Variants in CCDC125 observed in about 807,000 individuals in gnomAD.
CCDC125 encodes the protein coiled-coil domain containing 125, also known as coiled-coil domain-containing protein 125.
CCDC125 carries 43 observed loss-of-function variants against 57.4 expected under a neutral mutation model. That is an observed-to-expected ratio of 0.75 (90% CI 0.59 to 0.97). The LOEUF is 0.97. Among genes scored for constraint, CCDC125 ranks in the 50% least tolerant of loss-of-function variants. The pLI, the probability that CCDC125 is intolerant of heterozygous loss-of-function variation, is 0.00. For missense variants in CCDC125, 563 were observed against 595.7 expected (o/e 0.95, Z 0.57); for synonymous variants, 187 against 195.2 (o/e 0.96, Z 0.35).
chr5:69,285,378 G>A lies in CCDC125; in HGVS notation c.1189C>T (p.Gln397Ter), dbSNP rs1753169094. 6.2e-7 allele frequency: 1 copy of A among 1,612,410 alleles called. No individual in the cohort carries two copies. The highest frequency in any genetic ancestry group is 1.3e-5 in the African/African-American group (1 of 74,784). Reference sequence around the variant, plus strand: ...TTAAGGACCTCTTGAGGACTGTCCTGGTCTTCCATCCTCTTAGAACTGTTT... The same window carrying A: ...TTAAGGACCTCTTGAGGACTGTCCTAGTCTTCCATCCTCTTAGAACTGTTT... Reference protein sequence around the residue: ...SENSSKRMEDQDSPQEVLKML... With the variant: ...SENSSKRMED The change falls in exon 11 of 12, where the codon CAG becomes TAG. Residue 397 changes from glutamine (Q) to a stop codon, truncating the protein, a stop_gained. Transcript: ENST00000396496. LOFTEE classifies it low-confidence loss of function (END_TRUNC).
At chr5:69,286,361 A>G (rs1275967407) in intron 10 of CCDC125, among the ~76,000 whole-genome samples, 3 of 150,258 alleles carry the variant, frequency 2.0e-5, no homozygotes, top group African/African-American at 7.3e-5. Context: ...CCTCCCGAGT[A>G]GCTGGGACTA....
chr5:69,290,029 G>A (rs973414030), intron 10 of CCDC125, among the ~76,000 whole-genome samples: 4 of 151,770 alleles, frequency 2.6e-5, no homozygotes, highest in African/African-American at 9.7e-5. Context: ...TTTTGTCCTG[G>A]CTTCCATCTA....
chr5:69,306,095 T>TA (rs1757289220), intron 6 of CCDC125, among the ~76,000 whole-genome samples: 2 of 142,762 alleles, frequency 1.4e-5, no homozygotes, highest in South Asian at 4.3e-4. Flanking sequence ...ATTTTTCATC[T>TA]TTTTTTTTTT....
chr5:69,274,722 T>C, the CCDC125 span, among the ~76,000 whole-genome samples: 1 of 151,924 alleles, frequency 6.6e-6, no homozygotes, highest in Non-Finnish European at 1.5e-5. Flanking sequence ...TACAAGCGAT[T>C]CTCCTGTCTC....
At position 69,293,520 on chromosome 5, in the gene CCDC125, G is replaced by C. The variant is rs185585201; in HGVS notation, c.925-1158C>G. ...CAAAAATTAACTGGGAGTGGTGGCA[G>C]GCGCCTGTAATCCCAGCTACTCAGG... is the stretch of plus-strand genomic sequence containing the variant. On this transcript the variant is annotated intron_variant, in intron 9 of 11. Transcript: ENST00000396496. Among the ~76,000 whole-genome samples, 18 of 151,892 alleles carry C rather than the reference G, an allele frequency of 1.2e-4. No homozygotes were observed. In the East Asian group the frequency reaches 3.5e-3, roughly 29 times the overall value.
At chr5:69,315,551 G>A (rs1758926255) in intron 2 of CCDC125, among the ~76,000 whole-genome samples, 1 of 149,576 alleles carries the variant, frequency 6.7e-6, no homozygotes, top group Non-Finnish European at 1.5e-5. Context: ...GAGATCAGGA[G>A]TTCTAGACCA....
At chr5:69,303,171 C>T (rs114403478) in intron 7 of CCDC125, among the ~76,000 whole-genome samples, 172 of 152,204 alleles carry the variant, frequency 1.1e-3, no homozygotes, top group African/African-American at 4.1e-3. Context: ...AGGCCAGTGC[C>T]ACCACATCTG....
At chr5:69,329,722 C>T (rs1318682888) in intron 1 of CCDC125, among the ~76,000 whole-genome samples, 1 of 151,840 alleles carries the variant, frequency 6.6e-6, no homozygotes, top group East Asian at 1.9e-4. Context: ...AGGCTGGTCT[C>T]GGACTCCTGA....
At chr5:69,319,052 C>T (rs1027348895) in intron 2 of CCDC125, among the ~76,000 whole-genome samples, 2 of 151,926 alleles carry the variant, frequency 1.3e-5, no homozygotes, top group Admixed American at 6.6e-5. Context: ...CTCGGCCTCC[C>T]GAGTAGCTGG....
rs1759193862 is a variant in CCDC125, at chr5:69,316,832, A to G, written c.305-2786T>C. Among the ~76,000 whole-genome samples, 2 of 152,100 alleles carry G rather than the reference A, an allele frequency of 1.3e-5. 1 individual carries two copies. The highest frequency in any genetic ancestry group is 4.1e-4 in the South Asian group (2 of 4,824). On this transcript the variant is annotated intron_variant, in intron 2 of 11. Coordinates refer to ENST00000396496, the MANE Select transcript of CCDC125 (RefSeq NM_176816.5). Reference sequence around the variant, plus strand: ...GTAGCCTGTTTGGGACTTCTGACCTACAGAACTGTAAAATAATAAATTTGT... The same window carrying G: ...GTAGCCTGTTTGGGACTTCTGACCTGCAGAACTGTAAAATAATAAATTTGT...
intron 1 of CCDC125, among the ~76,000 whole-genome samples, chr5:69,330,882 C>T (rs1481378987): frequency 6.6e-6 from 1 of 152,170 alleles, no homozygotes; most frequent in Non-Finnish European, 1.5e-5. Context: ...TCAAGCCAAC[C>T]TACATACTGC....
the CCDC125 span, among the ~76,000 whole-genome samples, chr5:69,273,744 TTAA>T: frequency 2.0e-5 from 3 of 152,196 alleles, no homozygotes; most frequent in Non-Finnish European, 4.4e-5. Context: ...TGGAAACATA[TTAA>T]TGTACAGTAA....
chr5:69,278,372 A>AT (rs35559096), downstream of CCDC125, among the ~76,000 whole-genome samples: 40,347 of 138,950 alleles, frequency 0.29, 6,038 homozygotes, highest in East Asian at 0.42. Context: ...CGCCTGGCTA[A>AT]TTTTTTTTTT....
chr5:69,298,214 T>C (rs1011141885), intron 8 of CCDC125, among the ~76,000 whole-genome samples: 88 of 152,016 alleles, frequency 5.8e-4, no homozygotes, highest in African/African-American at 1.1e-3. Context: ...CGGGGTTTCA[T>C]CATGTTGGCC....
intron 9 of CCDC125, among the ~76,000 whole-genome samples, 179 bp downstream of exon 9, chr5:69,294,614 A>G (rs1405822887): frequency 6.6e-6 from 1 of 152,210 alleles, no homozygotes; most frequent in African/African-American, 2.4e-5. Context: ...TAATATTTGT[A>G]TTTTGGAACC....
chr5:69,300,587 C>T (rs1281320921), intron 7 of CCDC125, among the ~76,000 whole-genome samples: 2 of 152,176 alleles, frequency 1.3e-5, no homozygotes, highest in Non-Finnish European at 2.9e-5. Context: ...AGGGGTCCTG[C>T]TGTCTACTGG....
At chr5:69,273,176 A>G in the CCDC125 span, 1 of 619,266 alleles carries the variant, frequency 1.6e-6, no homozygotes, top group Admixed American at 3.2e-5. Flanking sequence ...GAAATAACAA[A>G]CTTTGTATCT....
intron 1 of CCDC125, among the ~76,000 whole-genome samples, chr5:69,331,119 A>G (rs948163107): frequency 6.6e-6 from 1 of 151,992 alleles, no homozygotes; most frequent in African/African-American, 2.4e-5. Flanking sequence ...CCTGGCCAAC[A>G]TGGTGAAACC....
chr5:69,332,756 C>T lies in CCDC125; in HGVS notation c.-148G>A, dbSNP rs1203747358. Reference sequence around the variant, plus strand: ...CCTACCGCCCCGGCGCCCCACTCAGCTCGCTCACCTGGCAAGTAGCCTCCT... The same window carrying T: ...CCTACCGCCCCGGCGCCCCACTCAGTTCGCTCACCTGGCAAGTAGCCTCCT... On this transcript the variant is annotated 5_prime_UTR_variant, in exon 1 of 12. Coordinates refer to ENST00000396496, the MANE Select transcript of CCDC125 (RefSeq NM_176816.5). 2 of 152,672 alleles carry T rather than the reference C, an allele frequency of 1.3e-5. No homozygotes were observed. The highest frequency in any genetic ancestry group is 2.4e-5 in the African/African-American group (1 of 41,480). The allele number at this position is 152,672 out of a possible 1,614,324, so 9.5% of individuals were successfully genotyped here.
Sources: allele counts gnomAD v4.1 joint callset (sites outside exome capture counted in the v4.1 genomes callset), GRCh38; gene constraint gnomAD v4.1.1; transcripts MANE v1.5; gene names NCBI Gene and HGNC (gene_info 2026-07-23, HGNC 2026-07-21).